SNX14: variants seen among roughly 807,000 people sequenced by gnomAD.
The protein encoded by SNX14 is sorting nexin 14.
SNX14 carries 93 observed loss-of-function variants against 133.8 expected under a neutral mutation model. The observed-to-expected ratio is 0.70, with a 90% CI of 0.59 to 0.83. The LOEUF (loss-of-function observed/expected upper bound fraction) is 0.83. SNX14 is among the 40% of genes least tolerant of loss of function. The pLI, the probability that SNX14 is intolerant of heterozygous loss-of-function variation, is 0.00. For missense variants in SNX14, 945 were observed against 1,094.9 expected (o/e 0.86, Z 1.93); for synonymous variants, 368 against 365.6 (o/e 1.01, Z -0.07).
At position 85,554,304 on chromosome 6, in the gene SNX14, A is replaced by ATG. The variant is rs577285427; in HGVS notation, c.634+3670_634+3671dup. Among the ~76,000 whole-genome samples the ATG allele has an allele frequency of 2.9e-3, 441 of 151,992 alleles. 2 individuals are homozygous for ATG. Among genetic ancestry groups the ATG allele is most frequent in the Non-Finnish European group, 5.4e-3 (368 of 67,970 alleles). ...ATATTCATATATTTCATATACACAC[A>ATG]TGTGTATATATATACACACACATAT... is the stretch of plus-strand genomic sequence containing the variant. On this transcript the variant is annotated intron_variant, in intron 7 of 28. Coordinates refer to ENST00000314673, the MANE Select transcript of SNX14 (RefSeq NM_153816.6).
Position 85,530,293 on chromosome 6 carries a change from A to T in SNX14, c.1811-18T>A. 1.4e-6 allele frequency: 2 copies of T among 1,441,022 alleles called. No homozygotes were observed. The highest frequency in any genetic ancestry group is 1.9e-6 in the Non-Finnish European group (2 of 1,046,326). 89.3% of individuals were successfully genotyped at this position (1,441,022 alleles called of 1,614,324 possible). A position where few individuals can be genotyped will look rare whatever the true frequency, so the allele number is the denominator to read the frequency against. ...GTGTCCAACTGTAAATTGAGTACAC[A>T]CACACTGAGTAACAAATAATTTCAA... On this transcript the variant is annotated intron_variant, in intron 18 of 28. Coordinates refer to ENST00000314673, the MANE Select transcript of SNX14 (RefSeq NM_153816.6).
At chr6:85,525,139 T>C (rs1265326599) in intron 21 of SNX14, among the ~76,000 whole-genome samples, 6 of 152,134 alleles carry the variant, frequency 3.9e-5, no homozygotes, top group Non-Finnish European at 8.8e-5. Context: ...CTTCAGGAAA[T>C]ACTAACTTCA....
chr6:85,531,339 A>G (rs1283063143), intron 18 of SNX14, among the ~76,000 whole-genome samples: 1 of 152,216 alleles, frequency 6.6e-6, no homozygotes, highest in Non-Finnish European at 1.5e-5. Context: ...ATCCACATAA[A>G]GCACTTCTGT....
At chr6:85,573,208 A>T (rs1344551071) in intron 2 of SNX14, among the ~76,000 whole-genome samples, 2 of 152,156 alleles carry the variant, frequency 1.3e-5, no homozygotes, top group African/African-American at 4.8e-5. Context: ...GGCCAGGCGC[A>T]GTGGCTCACG....
At chr6:85,526,289 G>C (rs1257641058) in intron 20 of SNX14, 52 bp from the exon 21 acceptor site, 2 of 1,048,876 alleles carry the variant, frequency 1.9e-6, no homozygotes, top group South Asian at 3.0e-5. Flanking sequence ...TAGAGGAGTA[G>C]TCAAAACTGT....
intron 4 of SNX14, among the ~76,000 whole-genome samples, chr6:85,571,107 C>A (rs1402666144): frequency 6.6e-6 from 1 of 152,012 alleles, no homozygotes; most frequent in Non-Finnish European, 1.5e-5. Context: ...AAACCCAGCA[C>A]TTTGGGAGGC....
At chr6:85,564,875 G>A (rs2128165119) in intron 6 of SNX14, among the ~76,000 whole-genome samples, 1 of 151,990 alleles carries the variant, frequency 6.6e-6, no homozygotes, top group South Asian at 2.1e-4. Context: ...TGTAGTCCCA[G>A]CTACTCGAGA....
At chr6:85,511,510 T>C (rs534265832) in intron 26 of SNX14, among the ~76,000 whole-genome samples, 1 of 152,336 alleles carries the variant, frequency 6.6e-6, no homozygotes, top group South Asian at 2.1e-4. Flanking sequence ...TTTTAAGTTT[T>C]TCATCAAGTG....
intron 20 of SNX14, among the ~76,000 whole-genome samples, chr6:85,526,543 T>C (rs370042600): frequency 6.6e-6 from 1 of 152,266 alleles, no homozygotes; most frequent in East Asian, 1.9e-4. Flanking sequence ...ACACTACCTA[T>C]AGTATTGTTA....
intron 16 of SNX14, 194 bp from the exon 17 acceptor site, chr6:85,537,118 A>G (rs1421699406): frequency 4.9e-5 from 22 of 446,654 alleles, no homozygotes; most frequent in Non-Finnish European, 8.4e-5. Flanking sequence ...CACAGTATTT[A>G]AAGTTTAAAT....
At chr6:85,565,180 T>A (rs535225372) in intron 6 of SNX14, 152 bp downstream of exon 6, 1 of 487,824 alleles carries the variant, frequency 2.0e-6, no homozygotes, top group Non-Finnish European at 3.7e-6. Flanking sequence ...TTTTCCATGA[T>A]GTGATTATTA....
chr6:85,585,990 GA>G (rs536086390), intron 1 of SNX14, among the ~76,000 whole-genome samples: 3,597 of 75,084 alleles, frequency 0.048, 140 homozygotes, highest in African/African-American at 0.14. Context: ...CCCGCAACAG[GA>G]AAAAAAAAAA....
chr6:85,583,604 A>G (rs1248319996), intron 1 of SNX14, among the ~76,000 whole-genome samples: 1 of 152,200 alleles, frequency 6.6e-6, no homozygotes, highest in Non-Finnish European at 1.5e-5. Context: ...CTATACACCA[A>G]TAACAGACTA....
chr6:85,562,554 C>CTTTTATATATATATAA (rs1791999747), intron 6 of SNX14, among the ~76,000 whole-genome samples: 3 of 146,298 alleles, frequency 2.1e-5, no homozygotes, highest in African/African-American at 5.1e-5. Flanking sequence ...AATTATACTG[C>CTTTTATATATATATAA]AATAAATCTT....
chr6:85,593,541 A>G (rs770802325), intron 1 of SNX14, 38 bp downstream of exon 1: 2 of 1,582,166 alleles, frequency 1.3e-6, no homozygotes, highest in South Asian at 2.3e-5. Flanking sequence ...GCACCTTCGG[A>G]GAAAAGCCGC....
chr6:85,517,746 T>G lies in SNX14; in HGVS notation c.2268+10A>C. ...AAAACTTAATAGTTCTTTAATGCAA[T>G]GTGCAGTACCTTCTTGTTGTTTTCT... On this transcript the variant is annotated intron_variant, in intron 23 of 28. Transcript: ENST00000314673. 1 of 1,571,252 alleles carries G rather than the reference T, an allele frequency of 6.4e-7. No individual in the cohort carries two copies. The highest frequency in any genetic ancestry group is 2.1e-5 in the Admixed American group (1 of 46,892).
At chr6:85,540,263 T>C (rs368044027) in intron 15 of SNX14, among the ~76,000 whole-genome samples, 37 of 152,162 alleles carry the variant, frequency 2.4e-4, no homozygotes, top group African/African-American at 2.4e-4. Flanking sequence ...CGCCCGGCCA[T>C]CTACCAAAGC....
chr6:85,522,317 G>A (rs1314335587), intron 21 of SNX14, among the ~76,000 whole-genome samples: 1 of 152,130 alleles, frequency 6.6e-6, no homozygotes, highest in East Asian at 1.9e-4. Flanking sequence ...ATATGATAGG[G>A]CTCTCCAACC....
At chr6:85,526,914 C>T (rs1246461449) in intron 20 of SNX14, among the ~76,000 whole-genome samples, 1 of 151,916 alleles carries the variant, frequency 6.6e-6, no homozygotes, top group African/African-American at 2.4e-5. Flanking sequence ...ACTAAAAATA[C>T]AAAAATTAGC....
Sources: gnomAD v4.1 joint callset for allele counts (sites outside exome capture counted in the v4.1 genomes callset) on GRCh38, gnomAD v4.1.1 for gene constraint, MANE v1.5 for transcripts, NCBI Gene and HGNC (gene_info 2026-07-23, HGNC 2026-07-21) for gene names.